The following KANSL1L variants were observed in gnomAD, a reference collection of about 807,000 sequenced individuals.
The protein encoded by KANSL1L is KAT8 regulatory NSL complex subunit 1 like, also known as KAT8 regulatory NSL complex subunit 1-like protein.
In KANSL1L, 25 loss-of-function variants were observed where a neutral mutation model predicts 108.6. That is an observed-to-expected ratio of 0.23 (90% CI 0.17 to 0.32). The LOEUF (loss-of-function observed/expected upper bound fraction) is 0.32. Among genes scored for constraint, KANSL1L ranks in the 10% least tolerant of loss-of-function variants. KANSL1L has a pLI of 1.00. For synonymous variants in KANSL1L, 405 were observed against 395.1 expected, an observed-to-expected ratio of 1.03 and a Z score of -0.30; for missense variants, 1,137 against 1,125.7, an observed-to-expected ratio of 1.01 and a Z score of -0.14.
intron 5 of KANSL1L, among the ~76,000 whole-genome samples, chr2:210,087,773 A>T (rs2094651512): frequency 6.6e-6 from 1 of 152,204 alleles, no homozygotes; most frequent in Non-Finnish European, 1.5e-5. Flanking sequence ...ACCTCATTTG[A>T]TCTTCACAAC....
chr2:210,044,219 C>A lies in KANSL1L; in HGVS notation c.1756-115G>T. ...TTTTCCAGTTCTACAAAAAGTTTTA[C>A]AAATATTTTGCTAGATGTTTTCCCA... On this transcript the variant is annotated intron_variant, in intron 6 of 14. Transcript: ENST00000281772. The surrounding 1 kb of genome is among the most constrained non-coding windows in gnomAD (Gnocchi z 4.2). 1 of 619,600 alleles carries A rather than the reference C, an allele frequency of 1.6e-6. No homozygotes were observed. Among genetic ancestry groups the A allele is most frequent in the Non-Finnish European group, 2.5e-6 (1 of 400,938 alleles). 38.4% of individuals were successfully genotyped at this position (619,600 alleles called of 1,614,324 possible). A position where few individuals can be genotyped will look rare whatever the true frequency, so the allele number is the denominator to read the frequency against.
rs1434979076 is a variant in KANSL1L at position 210,024,071 on chromosome 2, A to G, written c.2695T>C (p.Tyr899His). The G allele has an allele frequency of 1.1e-5, 18 of 1,604,724 alleles. No homozygotes were observed. Among genetic ancestry groups the G allele is most frequent in the Non-Finnish European group, 1.4e-5 (17 of 1,175,672 alleles). ...LPSENQDLCA[Y>H]GLPSLNQSQE... The stretch of plus-strand genomic sequence containing the variant: ...CTTTGATTTAAAGAAGGTAAGCCAT[A>G]TGCACACAGATCCTGGTTCTCTGAA... Residue 899 changes from tyrosine to histidine, a missense_variant, in exon 14 of 15, where the codon TAT becomes CAT. By Grantham distance (83) the Tyr-to-His change is moderately conservative. This residue lies in a region of KANSL1L where 575 missense variants were observed against 567.1 expected (regional missense o/e 1.01). Coordinates refer to ENST00000281772, the MANE Select transcript of KANSL1L (RefSeq NM_152519.4).
At chr2:210,064,870 T>C (rs1459931694) in intron 6 of KANSL1L, among the ~76,000 whole-genome samples, 1 of 150,406 alleles carries the variant, frequency 6.6e-6, no homozygotes, top group Non-Finnish European at 1.5e-5. Flanking sequence ...AACACTTCCT[T>C]ACAAAAAAGT....
chr2:210,052,725 C>T (rs2094306851), intron 6 of KANSL1L, among the ~76,000 whole-genome samples: 1 of 152,140 alleles, frequency 6.6e-6, no homozygotes, highest in Non-Finnish European at 1.5e-5. Context: ...GGTAGGAACC[C>T]TTTCTGTCAT....
At chr2:210,122,118 C>T (rs1335057666) in intron 3 of KANSL1L, among the ~76,000 whole-genome samples, 1 of 152,068 alleles carries the variant, frequency 6.6e-6, no homozygotes, top group Admixed American at 6.6e-5. Context: ...CCAACGAAAT[C>T]TACAGATTCA....
intron 2 of KANSL1L, among the ~76,000 whole-genome samples, chr2:210,150,030 T>C (rs1157674545): frequency 6.6e-6 from 1 of 152,114 alleles, no homozygotes. Flanking sequence ...AAAGTTTATG[T>C]GACCTCTAAA....
At chr2:210,114,520 A>G (rs73063963) in intron 3 of KANSL1L, among the ~76,000 whole-genome samples, 2,458 of 152,294 alleles carry the variant, frequency 0.016, 71 homozygotes, top group African/African-American at 0.056. Context: ...CTGTATGATG[A>G]AAGAAAAATC....
At chr2:210,053,321 A>G (rs1214030921) in intron 6 of KANSL1L, among the ~76,000 whole-genome samples, 1 of 152,172 alleles carries the variant, frequency 6.6e-6, no homozygotes, top group East Asian at 1.9e-4. Flanking sequence ...AACAGGCCAG[A>G]TGTGGTGGCT....
At chr2:210,030,123 T>C (rs2093994566) in intron 9 of KANSL1L, among the ~76,000 whole-genome samples, 1 of 152,078 alleles carries the variant, frequency 6.6e-6, no homozygotes, top group South Asian at 2.1e-4. Flanking sequence ...TCTGGGGCTT[T>C]GGCAGTTTTT....
intron 4 of KANSL1L, among the ~76,000 whole-genome samples, chr2:210,100,510 CTACTT>C (rs2094783341): frequency 6.6e-6 from 1 of 152,164 alleles, no homozygotes; most frequent in African/African-American, 2.4e-5. Flanking sequence ...TCTAACAAAA[CTACTT>C]TAGTCAAGCC....
At chr2:210,107,550 ACAG>A (rs1447096988) in intron 3 of KANSL1L, among the ~76,000 whole-genome samples, 9 of 148,290 alleles carry the variant, frequency 6.1e-5, no homozygotes, top group African/African-American at 2.2e-4. Context: ...TTTTTTTGAG[ACAG>A]AGTCTTGTTC....
In KANSL1L at chr2:210,031,533, C is replaced by G. The variant is rs762992984; in HGVS notation, c.2043G>C (p.Leu681=). The change falls in exon 9 of 15, where the codon CTG becomes CTC. Residue 681 remains leucine, a synonymous_variant. Coordinates refer to ENST00000281772, the MANE Select transcript of KANSL1L (RefSeq NM_152519.4). The part of the protein sequence containing the change: ...IISPSPVHST[L]NQWRNGYSPI... ...GTGAATATCCATTTCTCCATTGATTCAGAGTACTATGTACTAAAACAAATG... is the reference window on the plus strand; with the variant it reads ...GTGAATATCCATTTCTCCATTGATTGAGAGTACTATGTACTAAAACAAATG... 1.3e-6 allele frequency: 2 copies of G among 1,546,882 alleles called. No homozygotes were observed. Among genetic ancestry groups the G allele is most frequent in the Admixed American group, 1.8e-5 (1 of 56,904 alleles).
intron 1 of KANSL1L, among the ~76,000 whole-genome samples, chr2:210,160,153 A>T (rs548096393): frequency 1.1e-4 from 16 of 152,358 alleles, no homozygotes; most frequent in African/African-American, 3.1e-4. Context: ...CATGAGAAAA[A>T]CTCAGCAAAT....
rs538875135 is a variant in KANSL1L at position 210,137,015 on chromosome 2, T to C, written c.1089-7843A>G. Among the ~76,000 whole-genome samples the C allele has an allele frequency of 2.0e-4, 30 of 152,304 alleles. 1 individual carries two copies. Among genetic ancestry groups the C allele is most frequent in the Non-Finnish European group, 3.4e-4 (23 of 68,020 alleles). On this transcript the variant is annotated intron_variant, in intron 2 of 14. Coordinates refer to ENST00000281772, the MANE Select transcript of KANSL1L (RefSeq NM_152519.4). ...AAAACAATAATGATTATTATAAAAATGGAAAGTTTCCACTGGCATTTGTAC... is the reference window on the plus strand; with the variant it reads ...AAAACAATAATGATTATTATAAAAACGGAAAGTTTCCACTGGCATTTGTAC...
At chr2:210,100,900 A>G (rs2125418071) in intron 4 of KANSL1L, among the ~76,000 whole-genome samples, 1 of 152,342 alleles carries the variant, frequency 6.6e-6, no homozygotes, top group Admixed American at 6.5e-5. Flanking sequence ...GGTCTCCCAA[A>G]GTGCTGGGAT....
chr2:210,079,640 A>ATATATATATATGTATGTG (rs2094569219), intron 5 of KANSL1L, among the ~76,000 whole-genome samples: 2 of 5,030 alleles, frequency 4.0e-4, no homozygotes, highest in African/African-American at 7.5e-4. Flanking sequence ...ATATATATAT[A>ATATATATATATGTATGTG]TATATATATA....
intron 3 of KANSL1L, among the ~76,000 whole-genome samples, chr2:210,113,370 C>A (rs910641196): frequency 6.6e-6 from 1 of 151,944 alleles, no homozygotes; most frequent in African/African-American, 2.4e-5. Flanking sequence ...TTTAACTATA[C>A]ACTTCAGGCT....
chr2:210,090,633 G>A (rs982585157), intron 5 of KANSL1L, among the ~76,000 whole-genome samples: 1 of 152,090 alleles, frequency 6.6e-6, no homozygotes, highest in African/African-American at 2.4e-5. Context: ...CAACTGTCCT[G>A]GCTCAAGAGA....
At chr2:210,124,698 A>G (rs926630011) in intron 3 of KANSL1L, among the ~76,000 whole-genome samples, 6 of 152,122 alleles carry the variant, frequency 3.9e-5, no homozygotes, top group Non-Finnish European at 7.4e-5. Flanking sequence ...TAGAAAAATT[A>G]TCAAAACTAA....
Sources: gnomAD v4.1 joint callset for allele counts (sites outside exome capture counted in the v4.1 genomes callset) on GRCh38, gnomAD v4.1.1 for gene constraint, gnomAD v4.1.1 regional missense constraint, Gnocchi (gnomAD v3.1) non-coding constraint, MANE v1.5 for transcripts, NCBI Gene and HGNC (gene_info 2026-07-23, HGNC 2026-07-21) for gene names.